Variants in CSMD1 observed in about 807,000 individuals in gnomAD.
CSMD1 encodes CUB and Sushi multiple domains 1.
In CSMD1, 213 loss-of-function variants were observed where a neutral mutation model predicts 417.5. The observed-to-expected ratio is 0.51, with a 90% CI of 0.46 to 0.57. The LOEUF (loss-of-function observed/expected upper bound fraction) is 0.57, where lower values mean the gene tolerates loss of function less well. CSMD1 is among the 20% of genes least tolerant of loss of function. The pLI is 0.00. For missense variants in CSMD1, 6,923 were observed against 4,529.7 expected, an observed-to-expected ratio of 1.53 and a Z score of -15.17; for synonymous variants, 2,862 against 1,736.8, an observed-to-expected ratio of 1.65 and a Z score of -16.11.
intron 5 of CSMD1, chr8:3,950,001 A>T (rs535176128): frequency 2.2e-6 from 1 of 455,870 alleles, no homozygotes; most frequent in South Asian, 1.5e-5. Flanking sequence ...TACCCACTAC[A>T]TTTGCCAGGG....
At chr8:3,704,395 C>G (rs1277239907) in intron 7 of CSMD1, among the ~76,000 whole-genome samples, 1 of 152,140 alleles carries the variant, frequency 6.6e-6, no homozygotes, top group Non-Finnish European at 1.5e-5. Context: ...AGGAGGGGGC[C>G]TTCCTAAAAC....
intron 5 of CSMD1, among the ~76,000 whole-genome samples, chr8:3,839,475 T>G (rs1222574803): frequency 6.1e-4 from 70 of 114,584 alleles, no homozygotes; most frequent in African/African-American, 2.2e-3. Context: ...TATTATATAA[T>G]TATATTATAT....
intron 26 of CSMD1, among the ~76,000 whole-genome samples, chr8:3,254,854 G>C (rs538093010): frequency 6.6e-6 from 1 of 152,012 alleles, no homozygotes; most frequent in African/African-American, 2.4e-5. Context: ...CTAGTCTGAA[G>C]CCTTCTTCTC....
intron 10 of CSMD1, among the ~76,000 whole-genome samples, chr8:3,526,232 C>T (rs185338604): frequency 2.6e-5 from 4 of 152,134 alleles, no homozygotes; most frequent in Admixed American, 6.5e-5. Flanking sequence ...CCTTCCTGAA[C>T]CTTCTATAGA....
intron 5 of CSMD1, among the ~76,000 whole-genome samples, chr8:3,943,286 G>A (rs2407189): frequency 2.0e-5 from 3 of 151,290 alleles, no homozygotes; most frequent in Non-Finnish European, 4.4e-5. Flanking sequence ...TGTATGCAAA[G>A]CACTTTATCA....
intron 42 of CSMD1, among the ~76,000 whole-genome samples, chr8:3,117,484 G>C (rs1816940317): frequency 6.6e-6 from 1 of 152,154 alleles, no homozygotes; most frequent in Non-Finnish European, 1.5e-5. Flanking sequence ...CAGGATACAA[G>C]TGCTTAGCAT....
intron 2 of CSMD1, among the ~76,000 whole-genome samples, chr8:4,589,857 T>G (rs562399033): frequency 6.6e-6 from 1 of 152,224 alleles, no homozygotes; most frequent in Admixed American, 6.5e-5. Context: ...TTAATAATTT[T>G]CAGAATCTAT....
At chr8:4,703,411 C>T (rs568133268) in intron 1 of CSMD1, among the ~76,000 whole-genome samples, 2 of 152,298 alleles carry the variant, frequency 1.3e-5, no homozygotes, top group South Asian at 2.1e-4. Context: ...ATTTCTGTCA[C>T]CTGTAATTTC....
chr8:3,890,594 G>T (rs1164777809), intron 5 of CSMD1, among the ~76,000 whole-genome samples: 1 of 152,070 alleles, frequency 6.6e-6, no homozygotes, highest in Non-Finnish European at 1.5e-5. Flanking sequence ...GCCGATTTCA[G>T]GAAATAAAGC....
intron 3 of CSMD1, among the ~76,000 whole-genome samples, chr8:4,045,562 G>A (rs1383415089): frequency 2.0e-5 from 3 of 152,150 alleles, no homozygotes. Context: ...CTCAGAAAGA[G>A]GATGTGCAAT....
At chr8:4,572,115 A>C (rs2725053) in intron 2 of CSMD1, among the ~76,000 whole-genome samples, 60,997 of 152,076 alleles carry the variant, frequency 0.4, 12,905 homozygotes, top group East Asian at 0.54. Flanking sequence ...AGCCCATTTA[A>C]ATTTAAGGTT....
chr8:4,866,840 A>C (rs1044594177), intron 1 of CSMD1, among the ~76,000 whole-genome samples: 2 of 152,054 alleles, frequency 1.3e-5, no homozygotes, highest in Non-Finnish European at 2.9e-5. Context: ...GATTTTTAAA[A>C]ATTATAACTT....
At chr8:3,624,677 G>T (rs902331032) in intron 7 of CSMD1, among the ~76,000 whole-genome samples, 2 of 152,144 alleles carry the variant, frequency 1.3e-5, no homozygotes, top group Admixed American at 1.3e-4. Context: ...AGTCTCCCCA[G>T]TGTATTGATG....
At chr8:3,571,399 G>A (rs1799936636) in intron 10 of CSMD1, among the ~76,000 whole-genome samples, 1 of 152,160 alleles carries the variant, frequency 6.6e-6, no homozygotes, top group Admixed American at 6.5e-5. Context: ...TAAAGGTACG[G>A]AGAACATATA....
intron 1 of CSMD1, among the ~76,000 whole-genome samples, chr8:4,857,064 A>C (rs1585220462): frequency 6.7e-6 from 1 of 148,612 alleles, no homozygotes; most frequent in Admixed American, 6.7e-5. Context: ...ATAACAAACT[A>C]TCTCTCAGAC....
At chr8:4,317,600 G>A (rs7828908) in intron 3 of CSMD1, among the ~76,000 whole-genome samples, 7,241 of 117,236 alleles carry the variant, frequency 0.062, 249 homozygotes, top group African/African-American at 0.12. Context: ...AGAGAGGAGA[G>A]AGGGGAGAGA....
chr8:4,610,766 T>C (rs1388369067), intron 2 of CSMD1, among the ~76,000 whole-genome samples: 2 of 152,224 alleles, frequency 1.3e-5, no homozygotes, highest in African/African-American at 4.8e-5. Flanking sequence ...TGTTACTTAA[T>C]CTAATAACAT....
chr8:4,087,351 T>A (rs536782798), intron 3 of CSMD1, among the ~76,000 whole-genome samples: 1 of 152,322 alleles, frequency 6.6e-6, no homozygotes, highest in African/African-American at 2.4e-5. Flanking sequence ...CACTTGCAAG[T>A]CTGAATTTGC....
At chr8:3,614,535 TC>T (rs1802044532) in intron 8 of CSMD1, among the ~76,000 whole-genome samples, 2 of 152,212 alleles carry the variant, frequency 1.3e-5, no homozygotes, top group African/African-American at 4.8e-5. Context: ...ATTCACAACT[TC>T]CCTGTTAACT....
Sources: allele counts gnomAD v4.1 joint callset (sites outside exome capture counted in the v4.1 genomes callset), GRCh38; gene constraint gnomAD v4.1.1; transcripts MANE v1.5; gene names NCBI Gene and HGNC (gene_info 2026-07-23, HGNC 2026-07-21).